Variants in GALNT18 observed in about 807,000 individuals in gnomAD.
GALNT18 encodes the protein polypeptide N-acetylgalactosaminyltransferase 18, also known as GalNAc-transferase 18.
GALNT18 carries 44 observed loss-of-function variants against 69.5 expected under a neutral mutation model. The observed-to-expected ratio is 0.63, with a 90% CI of 0.50 to 0.81. GALNT18 has a LOEUF of 0.81. Among genes scored for constraint, GALNT18 ranks in the 40% least tolerant of loss-of-function variants. GALNT18 has a pLI of 0.00. For missense variants in GALNT18, 715 were observed against 810.0 expected (o/e 0.88, Z 1.42); for synonymous variants, 364 against 318.2 (o/e 1.14, Z -1.53).
chr11:11,467,085 T>G (rs968778953), intron 1 of GALNT18, among the ~76,000 whole-genome samples: 1 of 152,176 alleles, frequency 6.6e-6, no homozygotes, highest in Non-Finnish European at 1.5e-5. Context: ...GAGAACATCT[T>G]CCGAACCTGG....
At chr11:11,539,773 G>T (rs1009449440) in intron 1 of GALNT18, among the ~76,000 whole-genome samples, 1 of 152,158 alleles carries the variant, frequency 6.6e-6, no homozygotes, top group African/African-American at 2.4e-5. Context: ...CTGTGGCTGC[G>T]TCTTAGAAAG....
At chr11:11,599,210 A>C (rs930394776) in intron 1 of GALNT18, among the ~76,000 whole-genome samples, 2 of 152,128 alleles carry the variant, frequency 1.3e-5, no homozygotes, top group African/African-American at 4.8e-5. Flanking sequence ...TCCAACTATT[A>C]ATGTTGAATT....
intron 6 of GALNT18, among the ~76,000 whole-genome samples, chr11:11,370,625 T>C (rs1042921882): frequency 6.6e-6 from 1 of 151,712 alleles, no homozygotes; most frequent in African/African-American, 2.4e-5. Context: ...CCAACTGTAT[T>C]TCAAACTCTG....
At chr11:11,418,958 T>C (rs1182146215) in intron 3 of GALNT18, among the ~76,000 whole-genome samples, 1 of 151,690 alleles carries the variant, frequency 6.6e-6, no homozygotes, top group Non-Finnish European at 1.5e-5. Context: ...CCCATTAGAG[T>C]GGGAGGGACC....
chr11:11,323,872 A>G (rs1191598316), intron 9 of GALNT18, among the ~76,000 whole-genome samples: 1 of 152,038 alleles, frequency 6.6e-6, no homozygotes, highest in East Asian at 1.9e-4. Context: ...CTTTATCATG[A>G]GCCACACCTT....
At chr11:11,288,722 C>T (rs530871904) in intron 10 of GALNT18, among the ~76,000 whole-genome samples, 106 of 152,290 alleles carry the variant, frequency 7.0e-4, no homozygotes, top group African/African-American at 2.1e-3. Flanking sequence ...CAGTATCTAA[C>T]GCTGTCCTGG....
intron 1 of GALNT18, among the ~76,000 whole-genome samples, chr11:11,572,843 C>T (rs1347425729): frequency 2.0e-5 from 3 of 152,162 alleles, no homozygotes; most frequent in Non-Finnish European, 4.4e-5. Context: ...GCATGAGTTG[C>T]CATTTTGAAT....
chr11:11,445,542 G>A (rs1855628566), intron 2 of GALNT18, among the ~76,000 whole-genome samples: 2 of 152,194 alleles, frequency 1.3e-5, no homozygotes, highest in Admixed American at 6.5e-5. Context: ...GACAAAAGGA[G>A]GCACTGTTTT....
chr11:11,544,578 G>T (rs1335726613), intron 1 of GALNT18, among the ~76,000 whole-genome samples: 1 of 152,162 alleles, frequency 6.6e-6, no homozygotes, highest in Non-Finnish European at 1.5e-5. Context: ...TAAGTTCTAG[G>T]ATACATGTGC....
At position 11,596,983 on chromosome 11, in the gene GALNT18, C is replaced by T. The variant is rs1859516131; in HGVS notation, c.235+24376G>A. 6.6e-6 allele frequency among the ~76,000 whole-genome samples: 1 copy of T among 152,038 alleles called. No individual in the cohort carries two copies. Among genetic ancestry groups the T allele is most frequent in the Non-Finnish European group, 1.5e-5 (1 of 67,984 alleles). On this transcript the variant is annotated intron_variant, in intron 1 of 10. Coordinates refer to ENST00000227756, the MANE Select transcript of GALNT18 (RefSeq NM_198516.3). The surrounding 1 kb of genome is among the most constrained non-coding windows in gnomAD (Gnocchi z 4.2). ...CAGGTTGTTGAAATTATCTTCAATT[C>T]CTAGTTTATTGAGTGTTTTCATCCA...
chr11:11,411,881 G>A (rs1230417345), intron 3 of GALNT18, among the ~76,000 whole-genome samples: 2 of 152,186 alleles, frequency 1.3e-5, no homozygotes, highest in Non-Finnish European at 2.9e-5. Context: ...TGTCCCATCC[G>A]AGGCAAGGCT....
At position 11,496,835 on chromosome 11, in the gene GALNT18, G is replaced by T. The variant is rs1390610389; in HGVS notation, c.236-47899C>A. Among the ~76,000 whole-genome samples, 1 of 151,768 alleles carries T rather than the reference G, an allele frequency of 6.6e-6. No homozygotes were observed. The highest frequency in any genetic ancestry group is 2.4e-5 in the African/African-American group (1 of 41,338). ...CTCCCACCTAATCAACCACTTCTACGCCAGTTCCCTCACCCCCTGCCACCC... is the reference window on the plus strand; with the variant it reads ...CTCCCACCTAATCAACCACTTCTACTCCAGTTCCCTCACCCCCTGCCACCC... On this transcript the variant is annotated intron_variant, in intron 1 of 10. Coordinates refer to ENST00000227756, the MANE Select transcript of GALNT18 (RefSeq NM_198516.3). This position sits in a 1 kb window ranked among gnomAD's most constrained non-coding sequence, Gnocchi z 4.0.
chr11:11,359,197 A>C lies in GALNT18; in HGVS notation c.1092+13318T>G, dbSNP rs187238410. Among the ~76,000 whole-genome samples, 518 of 140,362 alleles carry C rather than the reference A, an allele frequency of 3.7e-3. 102 individuals carry two copies. The highest frequency in any genetic ancestry group is 6.3e-3 in the Non-Finnish European group (395 of 62,672). 92.1% of individuals were successfully genotyped at this position (140,362 alleles called of 152,430 possible). A position where few individuals can be genotyped will look rare whatever the true frequency, so the allele number is the denominator to read the frequency against. Reference sequence around the variant, plus strand: ...TTAATTTCCTTATGGCTAGCTGAGAACGGCCATGATACTAACAGTGAGCTG... The same window carrying C: ...TTAATTTCCTTATGGCTAGCTGAGACCGGCCATGATACTAACAGTGAGCTG... On this transcript the variant is annotated intron_variant, in intron 6 of 10. Transcript: ENST00000227756.
At chr11:11,335,237 T>C (rs1850091715) in intron 7 of GALNT18, among the ~76,000 whole-genome samples, 1 of 152,188 alleles carries the variant, frequency 6.6e-6, no homozygotes. Context: ...AGAGGTACAA[T>C]CCACCAGGTG....
At chr11:11,358,193 TTTA>T (rs1850570408) in intron 6 of GALNT18, among the ~76,000 whole-genome samples, 1 of 140,880 alleles carries the variant, frequency 7.1e-6, no homozygotes, top group African/African-American at 2.6e-5. Context: ...TTACCTTAGT[TTTA>T]TAGTTTTGGC....
intron 10 of GALNT18, among the ~76,000 whole-genome samples, chr11:11,277,394 CTCTT>C (rs1226692077): frequency 2.0e-5 from 3 of 152,044 alleles, no homozygotes; most frequent in Non-Finnish European, 4.4e-5. Context: ...TTTGATTCTT[CTCTT>C]TTTTTTGTTA....
At chr11:11,395,545 T>G (rs1854306505) in intron 3 of GALNT18, among the ~76,000 whole-genome samples, 2 of 152,202 alleles carry the variant, frequency 1.3e-5, no homozygotes, top group African/African-American at 4.8e-5. Context: ...ATCAGGGACC[T>G]CAGGGAGCTT....
intron 9 of GALNT18, among the ~76,000 whole-genome samples, chr11:11,298,367 G>C (rs1411795915): frequency 6.6e-6 from 1 of 152,270 alleles, no homozygotes; most frequent in African/African-American, 2.4e-5. Flanking sequence ...GGCTATGAGA[G>C]TTTTAAAAAC....
intron 3 of GALNT18, among the ~76,000 whole-genome samples, chr11:11,428,189 G>A (rs1335981160): frequency 6.6e-6 from 1 of 152,250 alleles, no homozygotes; most frequent in Non-Finnish European, 1.5e-5. Flanking sequence ...CGTGGAGTCT[G>A]CACAGGGTCT....
Sources: allele counts gnomAD v4.1 joint callset (sites outside exome capture counted in the v4.1 genomes callset), GRCh38; gene constraint gnomAD v4.1.1; non-coding constraint Gnocchi (gnomAD v3.1); transcripts MANE v1.5; gene names NCBI Gene and HGNC (gene_info 2026-07-23, HGNC 2026-07-21).